The following STAB2 variants were observed in gnomAD, a reference collection of about 807,000 sequenced individuals.
STAB2 encodes stabilin 2.
In STAB2, 288 loss-of-function variants were observed where a neutral mutation model predicts 338.1. The observed-to-expected ratio is 0.85, with a 90% CI of 0.77 to 0.94. The LOEUF is 0.94. Ranked by LOEUF, STAB2 falls within the 40% of genes least tolerant of loss-of-function variation. The pLI is 0.00. For synonymous variants in STAB2, 1,202 were observed against 1,193.3 expected (o/e 1.01, Z -0.15); for missense variants, 3,141 against 3,210.1 (o/e 0.98, Z 0.52).
chr12:103,703,287 T>C lies in STAB2; in HGVS notation c.3843+11T>C. ...ACTACTATTATACGAGTAAGTTCTA[T>C]GGGCCAGAGCCAGTGATGGAACTAA... On this transcript the variant is annotated intron_variant, in intron 35 of 68. Transcript: ENST00000388887. 6.2e-7 allele frequency: 1 copy of C among 1,610,916 alleles called. No individual in the cohort carries two copies. Among genetic ancestry groups the C allele is most frequent in the East Asian group, 2.2e-5 (1 of 44,870 alleles).
intron 16 of STAB2, 81 bp downstream of exon 16, chr12:103,660,465 C>A: frequency 6.6e-7 from 1 of 1,515,118 alleles, no homozygotes; most frequent in African/African-American, 1.4e-5. Flanking sequence ...TATTTTGACG[C>A]TAGAAAATGT....
intron 52 of STAB2, among the ~76,000 whole-genome samples, chr12:103,736,486 G>T (rs573606111): frequency 6.6e-6 from 1 of 152,108 alleles, no homozygotes; most frequent in African/African-American, 2.4e-5. Context: ...TTTCATTCCA[G>T]CTTCTGGTAC....
At position 103,705,665 on chromosome 12, in the gene STAB2, T is replaced by A; in HGVS notation, c.3934T>A (p.Tyr1312Asn). The stretch of plus-strand genomic sequence containing the variant: ...GAAGAGGAGATGCATCTATACCTCC[T>A]ATTTCATGGGAAGACGAACCCTGTT... ...NEKRRCIYTS[Y>N]FMGRRTLFIG... Residue 1312 changes from tyrosine (Y) to asparagine (N), a missense_variant, in exon 37 of 69, where the codon TAT becomes AAT. Coordinates refer to ENST00000388887, the MANE Select transcript of STAB2 (RefSeq NM_017564.10). 2 of 1,614,216 alleles carry A rather than the reference T, an allele frequency of 1.2e-6. No individual in the cohort carries two copies. The highest frequency in any genetic ancestry group is 1.7e-6 in the Non-Finnish European group (2 of 1,180,024).
intron 65 of STAB2, among the ~76,000 whole-genome samples, 177 bp downstream of exon 65, chr12:103,759,450 T>C (rs984540729): frequency 2.0e-5 from 3 of 152,224 alleles, no homozygotes; most frequent in Non-Finnish European, 4.4e-5. Context: ...GGGCAGCCCC[T>C]ACCCCTTGGG....
At chr12:103,625,053 G>A (rs1298790461) in intron 5 of STAB2, among the ~76,000 whole-genome samples, 3 of 151,900 alleles carry the variant, frequency 2.0e-5, no homozygotes, top group African/African-American at 7.3e-5. Context: ...GAAATAGCAT[G>A]TCTCCTCCCA....
intron 38 of STAB2, among the ~76,000 whole-genome samples, chr12:103,707,694 C>T (rs1879486079): frequency 6.6e-6 from 1 of 152,158 alleles, no homozygotes; most frequent in Admixed American, 6.5e-5. Context: ...TTTGGGTTTC[C>T]TAACAAAGCA....
intron 31 of STAB2, among the ~76,000 whole-genome samples, chr12:103,693,479 C>T (rs906436426): frequency 6.0e-5 from 9 of 151,104 alleles, no homozygotes; most frequent in African/African-American, 2.2e-4. Flanking sequence ...CACCCTGGCA[C>T]TGTGAAGTCT....
chr12:103,735,742 C>A (rs954936830), intron 52 of STAB2, among the ~76,000 whole-genome samples, 162 bp downstream of exon 52: 1 of 152,074 alleles, frequency 6.6e-6, no homozygotes, highest in African/African-American at 2.4e-5. Flanking sequence ...CCTGAGACTG[C>A]GTCATTGGAT....
At chr12:103,683,483 A>G (rs890650799) in intron 26 of STAB2, among the ~76,000 whole-genome samples, 183 bp downstream of exon 26, 1 of 152,264 alleles carries the variant, frequency 6.6e-6, no homozygotes, top group African/African-American at 2.4e-5. Context: ...TGGAAGAACC[A>G]ACATATGACT....
At chr12:103,673,535 G>A (rs1001010145) in intron 22 of STAB2, among the ~76,000 whole-genome samples, 1 of 152,028 alleles carries the variant, frequency 6.6e-6, no homozygotes, top group Admixed American at 6.5e-5. Flanking sequence ...TTTTTGTAGA[G>A]ACAGGGTTTC....
intron 3 of STAB2, among the ~76,000 whole-genome samples, chr12:103,610,944 T>A (rs1383787165): frequency 6.6e-6 from 1 of 152,258 alleles, no homozygotes; most frequent in Non-Finnish European, 1.5e-5. Flanking sequence ...TTTCATTATG[T>A]ACCCAGTAGT....
Position 103,750,611 on chromosome 12 carries a change from T to C in STAB2, c.6471T>C (p.Tyr2157=), listed in dbSNP as rs1385152734. ...ACAAGTGTGAGTGTAAAAGTCACTA[T>C]GTCGGAGATGGGCTGAACTGTGAGC... ...GKHKCECKSH[Y]VGDGLNCEPE... is the part of the protein sequence containing the mutation. Residue 2157 remains tyrosine (Y), a synonymous_variant, in exon 60 of 69, where the codon TAT becomes TAC. Coordinates refer to ENST00000388887, the MANE Select transcript of STAB2 (RefSeq NM_017564.10). The C allele has an allele frequency of 5.0e-6, 8 of 1,614,250 alleles. No homozygotes were observed. In the Admixed American group the frequency reaches 6.7e-5, roughly 13 times the overall value.
At chr12:103,616,022 AG>A (rs1741227072) in intron 3 of STAB2, among the ~76,000 whole-genome samples, 1 of 152,190 alleles carries the variant, frequency 6.6e-6, no homozygotes. Context: ...CCTTTGTAAA[AG>A]TTCCCCACTC....
chr12:103,752,714 C>A (rs1017931313), intron 60 of STAB2, among the ~76,000 whole-genome samples: 4 of 152,080 alleles, frequency 2.6e-5, no homozygotes, highest in Non-Finnish European at 5.9e-5. Context: ...AGGAGAAAAT[C>A]ATGTTACCAG....
At chr12:103,729,086 A>G (rs1881436866) in intron 48 of STAB2, 91 bp downstream of exon 48, 1 of 1,287,764 alleles carries the variant, frequency 7.8e-7, no homozygotes, top group Admixed American at 1.9e-5. Flanking sequence ...TCCTCAGCAA[A>G]CTAATGCAGG....
intron 1 of STAB2, 148 bp from the exon 2 acceptor site, chr12:103,590,749 A>G: frequency 3.4e-6 from 3 of 887,794 alleles, no homozygotes; most frequent in Non-Finnish European, 5.2e-6. Flanking sequence ...AAAGGAGCAA[A>G]CCAGTCATTA....
chr12:103,589,663 A>G (rs1167134439), intron 1 of STAB2, among the ~76,000 whole-genome samples: 1 of 152,206 alleles, frequency 6.6e-6, no homozygotes, highest in Non-Finnish European at 1.5e-5. Flanking sequence ...AGTTGAGAAA[A>G]GGAAGAAAAA....
intron 40 of STAB2, among the ~76,000 whole-genome samples, chr12:103,711,855 G>A (rs969201285): frequency 6.6e-6 from 1 of 152,154 alleles, no homozygotes; most frequent in African/African-American, 2.4e-5. Flanking sequence ...TCATAACTTG[G>A]CTTCATAATG....
chr12:103,697,041 G>A (rs561889896), intron 33 of STAB2, among the ~76,000 whole-genome samples: 6 of 152,212 alleles, frequency 3.9e-5, no homozygotes, highest in African/African-American at 1.4e-4. Flanking sequence ...ATTTAATAAG[G>A]AAATAAGGAA....
Sources: gnomAD v4.1 joint callset for allele counts (sites outside exome capture counted in the v4.1 genomes callset) on GRCh38, gnomAD v4.1.1 for gene constraint, MANE v1.5 for transcripts, NCBI Gene and HGNC (gene_info 2026-07-23, HGNC 2026-07-21) for gene names.